ADAMTSL1: variants seen among roughly 807,000 people sequenced by gnomAD.
ADAMTSL1 encodes ADAMTS-like protein 1.
A neutral mutation model predicts 201.8 loss-of-function variants in ADAMTSL1; 126 were observed. That is an observed-to-expected ratio of 0.62 (90% confidence interval 0.54 to 0.72). The LOEUF (loss-of-function observed/expected upper bound fraction) is 0.72. ADAMTSL1 is among the 30% of genes least tolerant of loss of function. The pLI is 0.00. For missense variants in ADAMTSL1, 2,679 were observed against 2,277.8 expected (o/e 1.18, Z -3.59); for synonymous variants, 1,121 against 903.4 (o/e 1.24, Z -4.32).
intron 9 of ADAMTSL1, among the ~76,000 whole-genome samples, chr9:18,664,577 A>G (rs1829315805): frequency 6.6e-6 from 1 of 152,062 alleles, no homozygotes; most frequent in Admixed American, 6.6e-5. Context: ...TTTTTCCTGA[A>G]TCACACTAGG....
chr9:18,066,275 G>A (rs1002580172), intron 1 of ADAMTSL1, among the ~76,000 whole-genome samples: 5 of 152,076 alleles, frequency 3.3e-5, no homozygotes, highest in African/African-American at 1.2e-4. Context: ...ACCAATAATA[G>A]AAGTATTATA....
intron 1 of ADAMTSL1, among the ~76,000 whole-genome samples, chr9:18,049,918 C>T (rs1821854376): frequency 6.6e-6 from 1 of 152,156 alleles, no homozygotes; most frequent in Non-Finnish European, 1.5e-5. Flanking sequence ...CCACCGTGCC[C>T]GGCCCGGACT....
chr9:18,787,147 C>G lies in ADAMTSL1; in HGVS notation c.3678-8250C>G, dbSNP rs1300777352. 3.3e-5 allele frequency among the ~76,000 whole-genome samples: 5 copies of G among 152,208 alleles called. 1 individual carries two copies. Among genetic ancestry groups the G allele is most frequent in the Admixed American group, 3.3e-4 (5 of 15,288 alleles). On this transcript the variant is annotated intron_variant, in intron 19 of 28. Transcript: ENST00000380548. ...GGGAAGATAGGGAAGGAAAAACAAGCCCATTTCAGTTTGGTTTGGCTTGTT... is the reference window on the plus strand; with the variant it reads ...GGGAAGATAGGGAAGGAAAAACAAGGCCATTTCAGTTTGGTTTGGCTTGTT...
At chr9:18,708,034 C>G (rs934302721) in intron 14 of ADAMTSL1, among the ~76,000 whole-genome samples, 1 of 152,246 alleles carries the variant, frequency 6.6e-6, no homozygotes, top group Non-Finnish European at 1.5e-5. Context: ...CTTGCCAGAT[C>G]TTTCCCTGGC....
Position 18,648,470 on chromosome 9 carries a change from T to G in ADAMTSL1, c.834+9059T>G, listed in dbSNP as rs867713331. Among the ~76,000 whole-genome samples, 27 of 152,312 alleles carry G rather than the reference T, an allele frequency of 1.8e-4. No homozygotes were observed. In the Middle Eastern group the frequency reaches 0.027, roughly 154 times the overall value. On this transcript the variant is annotated intron_variant, in intron 7 of 28. Transcript: ENST00000380548. ...AATTTTCCTCATTAGTTGATGCAGT[T>G]TCTTCCTAGTCTTGATGGTCTTTAC...
At chr9:18,583,519 C>T (rs561655584) in intron 4 of ADAMTSL1, among the ~76,000 whole-genome samples, 25 of 152,052 alleles carry the variant, frequency 1.6e-4, no homozygotes, top group African/African-American at 4.1e-4. Flanking sequence ...AATGTGAGGT[C>T]GGAGCCTCCA....
At chr9:18,174,440 G>T in intron 2 of ADAMTSL1, among the ~76,000 whole-genome samples, 1 of 152,270 alleles carries the variant, frequency 6.6e-6, no homozygotes, top group African/African-American at 2.4e-5. Flanking sequence ...AGTAGAACTG[G>T]AGTGGTCAGA....
chr9:18,125,548 T>C (rs1825697322), intron 1 of ADAMTSL1, among the ~76,000 whole-genome samples: 1 of 152,228 alleles, frequency 6.6e-6, no homozygotes, highest in South Asian at 2.1e-4. Flanking sequence ...CTAAGAGTTT[T>C]ATAATTTTAG....
chr9:18,009,488 T>G (rs560704181), intron 1 of ADAMTSL1, among the ~76,000 whole-genome samples: 3 of 152,076 alleles, frequency 2.0e-5, no homozygotes, highest in Non-Finnish European at 2.9e-5. Context: ...GCAGGGCCAA[T>G]TAATAGGCAT....
intron 1 of ADAMTSL1, among the ~76,000 whole-genome samples, chr9:17,931,356 A>G (rs368883225): frequency 6.2e-5 from 7 of 112,148 alleles, no homozygotes; most frequent in African/African-American, 1.8e-4. Context: ...TGGGCTGCTG[A>G]ATTCTTTCTA....
At chr9:18,677,289 A>C (rs1830183295) in intron 10 of ADAMTSL1, among the ~76,000 whole-genome samples, 3 of 152,010 alleles carry the variant, frequency 2.0e-5, no homozygotes, top group Non-Finnish European at 4.4e-5. Context: ...AAAGACAATA[A>C]ATAGCTTTAG....
At chr9:18,663,045 G>A (rs1276499709) in intron 9 of ADAMTSL1, among the ~76,000 whole-genome samples, 1 of 152,098 alleles carries the variant, frequency 6.6e-6, no homozygotes, top group Non-Finnish European at 1.5e-5. Flanking sequence ...TAAAAAGAAA[G>A]CTTCATCTCA....
rs747569650 is a variant in ADAMTSL1, at chr9:18,776,818, C to G, written c.2589C>G (p.Ile863Met). Residue 863 changes from isoleucine to methionine, a missense_variant, in exon 19 of 29, where the codon ATC becomes ATG. By Grantham distance (10) the Ile-to-Met change is conservative. Coordinates refer to ENST00000380548, the MANE Select transcript of ADAMTSL1 (RefSeq NM_001040272.6). The stretch of plus-strand genomic sequence containing the variant: ...CATCCACGAAGCACAGCCCGCACAT[C>G]GCGGCCGCCAGGAAGGTCTACATAC... ...GRPSTKHSPH[I>M]AAARKVYIQT... 1 of 1,570,296 alleles carries G rather than the reference C, an allele frequency of 6.4e-7. No individual in the cohort carries two copies. The highest frequency in any genetic ancestry group is 2.4e-5 in the East Asian group (1 of 42,066).
intron 1 of ADAMTSL1, among the ~76,000 whole-genome samples, chr9:17,996,553 T>C (rs1406659133): frequency 6.6e-6 from 1 of 152,124 alleles, no homozygotes; most frequent in Non-Finnish European, 1.5e-5. Flanking sequence ...CACTGCATTA[T>C]GGTTTTGAGA....
chr9:18,021,792 G>A (rs1232729444), intron 1 of ADAMTSL1, among the ~76,000 whole-genome samples: 2 of 152,094 alleles, frequency 1.3e-5, no homozygotes, highest in East Asian at 1.9e-4. Context: ...TATTGCAGAT[G>A]TGGAGTCTCA....
At chr9:17,928,616 AATT>A (rs745654219) in intron 1 of ADAMTSL1, among the ~76,000 whole-genome samples, 1 of 152,100 alleles carries the variant, frequency 6.6e-6, no homozygotes, top group Admixed American at 6.6e-5. Context: ...GACAAAAAGA[AATT>A]ATGTGTTCTG....
chr9:18,774,304 G>A (rs1457456985), intron 17 of ADAMTSL1, among the ~76,000 whole-genome samples: 1 of 151,914 alleles, frequency 6.6e-6, no homozygotes, highest in South Asian at 2.1e-4. Context: ...CAAACCTCTT[G>A]TCTGAAAATT....
At chr9:18,094,754 G>A (rs1187721864) in intron 1 of ADAMTSL1, among the ~76,000 whole-genome samples, 1 of 150,736 alleles carries the variant, frequency 6.6e-6, no homozygotes, top group African/African-American at 2.4e-5. Context: ...TTTTTGTAGA[G>A]ACAGGGTTTC....
intron 15 of ADAMTSL1, among the ~76,000 whole-genome samples, chr9:18,742,656 A>T (rs1038020482): frequency 1.3e-5 from 2 of 152,200 alleles, no homozygotes; most frequent in African/African-American, 4.8e-5. Flanking sequence ...CTGGAAGCAA[A>T]TTCACAGATG....
Sources: allele counts gnomAD v4.1 joint callset (sites outside exome capture counted in the v4.1 genomes callset), GRCh38; gene constraint gnomAD v4.1.1; transcripts MANE v1.5; gene names NCBI Gene and HGNC (gene_info 2026-07-23, HGNC 2026-07-21).